The following TCF12 variants were observed in gnomAD, a reference collection of about 807,000 sequenced individuals.
The protein encoded by TCF12 is DNA-binding protein HTF4.
TCF12 carries 45 observed loss-of-function variants against 86.0 expected under a neutral mutation model. That is an observed-to-expected ratio of 0.52 (90% CI 0.41 to 0.67). The LOEUF (loss-of-function observed/expected upper bound fraction) is 0.67. Among genes scored for constraint, TCF12 ranks in the 30% least tolerant of loss-of-function variants. The probability of loss-of-function intolerance (pLI) is 0.00; values close to 1 mark genes in which losing one functional copy is unlikely to be tolerated. For missense variants in TCF12, 881 were observed against 859.9 expected (o/e 1.02, Z -0.31); for synonymous variants, 330 against 299.6 (o/e 1.10, Z -1.05).
At chr15:57,173,000 G>A (rs1324090019) in intron 6 of TCF12, among the ~76,000 whole-genome samples, 4 of 151,884 alleles carry the variant, frequency 2.6e-5, no homozygotes, top group Non-Finnish European at 5.9e-5. Flanking sequence ...GAGGCGGGAG[G>A]ATTGCTTGAG....
At chr15:57,158,137 T>G (rs2151493151) in intron 5 of TCF12, among the ~76,000 whole-genome samples, 1 of 151,956 alleles carries the variant, frequency 6.6e-6, no homozygotes, top group South Asian at 2.1e-4. Context: ...GGTGAATGTT[T>G]TGCATCCTAG....
At chr15:57,219,577 A>G (rs765045249) in intron 8 of TCF12, 3 of 1,613,312 alleles carry the variant, frequency 1.9e-6, no homozygotes, top group Non-Finnish European at 2.5e-6. Context: ...ATGTATTACT[A>G]CAATGGGAAA....
At chr15:57,062,158 G>A (rs1006854828) in intron 3 of TCF12, among the ~76,000 whole-genome samples, 7 of 151,942 alleles carry the variant, frequency 4.6e-5, no homozygotes, top group African/African-American at 1.2e-4. Flanking sequence ...GGGTTTCTCC[G>A]TATTAGCCAG....
At chr15:57,122,619 A>G (rs1384501523) in intron 5 of TCF12, among the ~76,000 whole-genome samples, 2 of 152,254 alleles carry the variant, frequency 1.3e-5, no homozygotes, top group East Asian at 1.9e-4. Context: ...TTAAAATACA[A>G]TGCTGTGCTA....
At chr15:57,250,893 CAA>C (rs111971898) in intron 13 of TCF12, among the ~76,000 whole-genome samples, 1 of 112,514 alleles carries the variant, frequency 8.9e-6, no homozygotes, top group Non-Finnish European at 1.9e-5. Flanking sequence ...GACTCCATCT[CAA>C]AAAAAAAAAA....
intron 3 of TCF12, among the ~76,000 whole-genome samples, chr15:56,923,136 T>A (rs1458576274): frequency 3.9e-5 from 6 of 152,094 alleles, no homozygotes; most frequent in Non-Finnish European, 8.8e-5. Flanking sequence ...GCCATTTGAC[T>A]TATGAAAACT....
chr15:57,048,027 C>G (rs1199956776), intron 3 of TCF12, among the ~76,000 whole-genome samples: 2 of 152,142 alleles, frequency 1.3e-5, no homozygotes, highest in Non-Finnish European at 2.9e-5. Context: ...GTATTATAAT[C>G]TTCTGGGACC....
chr15:57,189,732 T>C (rs1461447594), intron 6 of TCF12, among the ~76,000 whole-genome samples: 1 of 152,222 alleles, frequency 6.6e-6, no homozygotes, highest in Admixed American at 6.5e-5. Flanking sequence ...ATTCCACTGC[T>C]AGTTATATAC....
intron 5 of TCF12, among the ~76,000 whole-genome samples, chr15:57,135,826 G>A (rs1257885867): frequency 6.6e-6 from 1 of 152,114 alleles, no homozygotes; most frequent in Non-Finnish European, 1.5e-5. Flanking sequence ...CACTTTGGCA[G>A]AATGATCATG....
chr15:57,034,463 A>G (rs2066384549), intron 3 of TCF12, among the ~76,000 whole-genome samples: 2 of 152,206 alleles, frequency 1.3e-5, no homozygotes, highest in East Asian at 3.9e-4. Context: ...GAAATTAATA[A>G]TGTTTGATTT....
At chr15:57,074,040 A>T (rs1489193863) in intron 4 of TCF12, among the ~76,000 whole-genome samples, 1 of 151,878 alleles carries the variant, frequency 6.6e-6, no homozygotes, top group African/African-American at 2.4e-5. Context: ...ATGAGCCACC[A>T]CGCCCGGCCT....
At chr15:56,963,825 G>T (rs921888974) in intron 3 of TCF12, among the ~76,000 whole-genome samples, 24 of 152,210 alleles carry the variant, frequency 1.6e-4, no homozygotes, top group African/African-American at 5.8e-4. Context: ...TCTCAAGGAG[G>T]AATTGGGGAG....
At chr15:57,041,774 A>T (rs1267927665) in intron 3 of TCF12, among the ~76,000 whole-genome samples, 2 of 152,202 alleles carry the variant, frequency 1.3e-5, no homozygotes, top group African/African-American at 4.8e-5. Flanking sequence ...AAATAGGAAA[A>T]TGGTCTTTGG....
chr15:57,212,687 T>C (rs984504338), intron 8 of TCF12, among the ~76,000 whole-genome samples: 21 of 151,928 alleles, frequency 1.4e-4, no homozygotes, highest in African/African-American at 4.8e-4. Flanking sequence ...TGGGGTGGAG[T>C]GCATAATAAA....
chr15:57,025,236 T>C (rs1302213094), intron 3 of TCF12, among the ~76,000 whole-genome samples: 7 of 152,064 alleles, frequency 4.6e-5, no homozygotes, highest in African/African-American at 1.2e-4. Context: ...CCTGCTACCA[T>C]GTGCGGCTAA....
intron 4 of TCF12, among the ~76,000 whole-genome samples, chr15:57,073,992 C>T (rs578119543): frequency 2.6e-5 from 4 of 152,058 alleles, no homozygotes; most frequent in Non-Finnish European, 4.4e-5. Context: ...CCTCATGATC[C>T]GCCTGTCTCG....
intron 5 of TCF12, among the ~76,000 whole-genome samples, chr15:57,159,213 T>C (rs2054326013): frequency 6.6e-6 from 1 of 152,198 alleles, no homozygotes; most frequent in Non-Finnish European, 1.5e-5. Flanking sequence ...TTAAGCGACA[T>C]GTTACTTTCC....
At chr15:57,037,247 G>A (rs975068479) in intron 3 of TCF12, among the ~76,000 whole-genome samples, 2 of 152,094 alleles carry the variant, frequency 1.3e-5, no homozygotes, top group Admixed American at 1.3e-4. Context: ...TCAGGAGTTC[G>A]AGATTAGCCT....
chr15:57,104,017 C>T (rs1378546407), intron 5 of TCF12, among the ~76,000 whole-genome samples: 2 of 151,796 alleles, frequency 1.3e-5, no homozygotes, highest in Admixed American at 1.3e-4. Context: ...CAAAAACAAA[C>T]AAACAAAAAA....
Sources: allele counts gnomAD v4.1 joint callset (sites outside exome capture counted in the v4.1 genomes callset), GRCh38; gene constraint gnomAD v4.1.1; transcripts MANE v1.5; gene names NCBI Gene and HGNC (gene_info 2026-07-23, HGNC 2026-07-21).